The following METTL9 variants were observed in gnomAD, a reference collection of about 807,000 sequenced individuals.
METTL9 encodes the protein methyltransferase 9, His-X-His N1(pi)-histidine.
Under a neutral mutation model 36.0 loss-of-function variants are expected in METTL9, and 10 were observed. That is an observed-to-expected ratio of 0.28 (90% CI 0.17 to 0.47). The LOEUF is 0.47. Among genes scored for constraint, METTL9 ranks in the 20% least tolerant of loss-of-function variants. METTL9 has a pLI of 0.99. For synonymous variants in METTL9, 175 were observed against 149.7 expected (o/e 1.17, Z -1.23); for missense variants, 246 against 383.5 (o/e 0.64, Z 3.00).
chr16:21,615,189 T>G (rs1965522921), intron 2 of METTL9, among the ~76,000 whole-genome samples: 1 of 152,198 alleles, frequency 6.6e-6, no homozygotes, highest in Non-Finnish European at 1.5e-5. Context: ...GCTAATGTTC[T>G]TTCGAAATAG....
intron 4 of METTL9, among the ~76,000 whole-genome samples, chr16:21,635,129 C>T (rs960034668): frequency 1.3e-5 from 2 of 152,226 alleles, no homozygotes; most frequent in Middle Eastern, 3.4e-3. Context: ...TCTCTCCAAG[C>T]GAGGTTGAAG....
chr16:21,625,174 A>C lies in METTL9; in HGVS notation c.751+59A>C, dbSNP rs1567334243. On this transcript the variant is annotated intron_variant, in intron 4 of 4. Coordinates refer to ENST00000358154, the MANE Select transcript of METTL9 (RefSeq NM_016025.5). ...GGATAGCTGTTTATTGGTATTTGTG[A>C]TTTTGTGCTGTGTACAATTAAATAT... 5 of 1,572,360 alleles carry C rather than the reference A, an allele frequency of 3.2e-6. No homozygotes were observed. In the East Asian group the frequency reaches 1.1e-4, roughly 35 times the overall value.
chr16:21,605,709 G>A (rs1965266813), intron 1 of METTL9, among the ~76,000 whole-genome samples: 1 of 152,100 alleles, frequency 6.6e-6, no homozygotes, highest in Admixed American at 6.6e-5. Context: ...TCTGGTTTGT[G>A]CATGCTTTTT....
chr16:21,635,185 T>C (rs1966058093), intron 4 of METTL9, among the ~76,000 whole-genome samples: 1 of 152,150 alleles, frequency 6.6e-6, no homozygotes, highest in South Asian at 2.1e-4. Context: ...ATCATGATCA[T>C]CTGAAAACTT....
rs142423453 is a variant in METTL9 at position 21,638,135 on chromosome 16, G to T, written c.751+13020G>T. The stretch of plus-strand genomic sequence containing the variant: ...GAGTTTGAGACCAGCCTGGCCAACA[G>T]AGTGAAACCCCATCTCTACTAAAAA... On this transcript the variant is annotated intron_variant, in intron 4 of 4. Transcript: ENST00000358154. 8.8e-3 allele frequency among the ~76,000 whole-genome samples: 1,346 copies of T among 152,122 alleles called. 46 individuals carry two copies. Among genetic ancestry groups the T allele is most frequent in the East Asian group, 0.083 (429 of 5,166 alleles).
chr16:21,643,988 CACACCTCACCCCT>C (rs1966351518), intron 4 of METTL9, among the ~76,000 whole-genome samples: 1 of 152,088 alleles, frequency 6.6e-6, no homozygotes, highest in South Asian at 2.1e-4. Context: ...TCCACCTGCC[CACACCTCACCCCT>C]ACAGCAGAAA....
At chr16:21,647,435 T>C (rs1210371478) in intron 4 of METTL9, 1 of 1,614,062 alleles carries the variant, frequency 6.2e-7, no homozygotes, top group South Asian at 1.1e-5. Flanking sequence ...CTCATGAGTG[T>C]AGTCCACTTC....
At chr16:21,621,131 G>A (rs1219566148) in intron 3 of METTL9, among the ~76,000 whole-genome samples, 4 of 151,482 alleles carry the variant, frequency 2.6e-5, no homozygotes, top group Admixed American at 2.6e-4. Flanking sequence ...TACCATATCT[G>A]GCTAATTTGA....
chr16:21,603,300 G>C (rs1034559797), intron 1 of METTL9, among the ~76,000 whole-genome samples: 1 of 151,968 alleles, frequency 6.6e-6, no homozygotes, highest in Non-Finnish European at 1.5e-5. Flanking sequence ...CAGCACACCT[G>C]GTTAATTTTT....
chr16:21,612,339 GA>G (rs773107419), intron 1 of METTL9: 3 of 220,422 alleles, frequency 1.4e-5, no homozygotes, highest in Non-Finnish European at 1.8e-5. Flanking sequence ...CCGAGTGCCT[GA>G]GCTGTGGTCT....
Position 21,647,226 on chromosome 16 carries a change from C to T in METTL9, c.752-8001C>T, listed in dbSNP as rs1287529022. The stretch of plus-strand genomic sequence containing the variant: ...ATTCCACAGATGTAAATTGCACTGT[C>T]ATTTGAAGTCACTCTGTTTACAGTG... On this transcript the variant is annotated intron_variant, in intron 4 of 4. Coordinates refer to ENST00000358154, the MANE Select transcript of METTL9 (RefSeq NM_016025.5). The T allele has an allele frequency of 8.7e-6, 14 of 1,614,046 alleles. No homozygotes were observed. In the Admixed American group the frequency reaches 2.3e-4, roughly 27 times the overall value.
chr16:21,629,733 C>T (rs1480237054), intron 4 of METTL9, among the ~76,000 whole-genome samples: 1 of 152,124 alleles, frequency 6.6e-6, no homozygotes, highest in Non-Finnish European at 1.5e-5. Flanking sequence ...GGATGGGGAC[C>T]CAGCAGGTTG....
At chr16:21,654,036 G>GTTTTTTTTTT (rs991543621) in intron 4 of METTL9, 77 of 90,222 alleles carry the variant, frequency 8.5e-4, no homozygotes, top group African/African-American at 1.2e-3. Flanking sequence ...AGTCTGTTTT[G>GTTTTTTTTTT]TTTTTTTTTT....
intron 4 of METTL9, among the ~76,000 whole-genome samples, chr16:21,638,132 A>G (rs11641653): frequency 0.031 from 4,704 of 152,252 alleles, 98 homozygotes; most frequent in Middle Eastern, 0.075. Flanking sequence ...AGCCTGGCCA[A>G]CAGAGTGAAA....
intron 4 of METTL9, among the ~76,000 whole-genome samples, chr16:21,628,637 G>T (rs1023389276): frequency 6.6e-6 from 1 of 151,930 alleles, no homozygotes; most frequent in African/African-American, 2.4e-5. Context: ...GGGACTACAG[G>T]TGCATACCAC....
upstream of METTL9, among the ~76,000 whole-genome samples, chr16:21,597,619 A>G (rs964568612): frequency 6.6e-6 from 1 of 152,148 alleles, no homozygotes; most frequent in Non-Finnish European, 1.5e-5. Context: ...GTCTCACTCT[A>G]TAGCTGGGGC....
intron 2 of METTL9, among the ~76,000 whole-genome samples, chr16:21,616,735 C>G (rs1965562975): frequency 6.6e-6 from 1 of 152,132 alleles, no homozygotes; most frequent in Admixed American, 6.6e-5. Flanking sequence ...CACTCTTTTC[C>G]CTCTTTTCTC....
chr16:21,652,867 CTAGCACA>C, intron 4 of METTL9: 1 of 377,974 alleles, frequency 2.6e-6, no homozygotes, highest in Non-Finnish European at 4.7e-6. Context: ...TGATTTACAC[CTAGCACA>C]TATTTCCAGG....
chr16:21,638,582 G>A (rs1445591363), intron 4 of METTL9, among the ~76,000 whole-genome samples: 2 of 152,174 alleles, frequency 1.3e-5, no homozygotes, highest in Non-Finnish European at 2.9e-5. Flanking sequence ...TCACGCTTTT[G>A]CTCTTAAAAC....
Sources: allele counts gnomAD v4.1 joint callset (sites outside exome capture counted in the v4.1 genomes callset), GRCh38; gene constraint gnomAD v4.1.1; transcripts MANE v1.5; gene names NCBI Gene and HGNC (gene_info 2026-07-23, HGNC 2026-07-21).